DIAPH3: variants seen among roughly 807,000 people sequenced by gnomAD.
The protein encoded by DIAPH3 is diaphanous related formin 3.
Under a neutral mutation model 144.3 loss-of-function variants are expected in DIAPH3, and 117 were observed. The ratio of observed to expected loss-of-function variants is 0.81; its 90% CI spans 0.70 to 0.95. The LOEUF is 0.95. Ranked by LOEUF, DIAPH3 falls within the 40% of genes least tolerant of loss-of-function variation. The pLI is 0.00. For missense variants in DIAPH3, 1,421 were observed against 1,412.7 expected, an observed-to-expected ratio of 1.01 and a Z score of -0.09; for synonymous variants, 519 against 488.9, an observed-to-expected ratio of 1.06 and a Z score of -0.81.
chr13:59,846,941 T>A (rs989992223), intron 22 of DIAPH3, among the ~76,000 whole-genome samples: 2 of 151,542 alleles, frequency 1.3e-5, no homozygotes, highest in African/African-American at 4.9e-5. Context: ...TAGCCAGGGG[T>A]AGTGGTGCCT....
At chr13:59,810,625 T>C (rs1343201637) in intron 25 of DIAPH3, among the ~76,000 whole-genome samples, 163 bp downstream of exon 25, 2 of 152,136 alleles carry the variant, frequency 1.3e-5, no homozygotes, top group East Asian at 3.9e-4. Context: ...CGTTAGTAAA[T>C]GGAAGGGAAA....
chr13:59,693,193 A>G lies in DIAPH3; in HGVS notation c.3320-26347T>C, dbSNP rs181023812. 1.1e-3 allele frequency among the ~76,000 whole-genome samples: 160 copies of G among 152,282 alleles called. 1 individual carries two copies. Among genetic ancestry groups the G allele is most frequent in the Non-Finnish European group, 1.8e-3 (124 of 68,026 alleles). On this transcript the variant is annotated intron_variant, in intron 27 of 27. Transcript: ENST00000400324. Reference sequence around the variant, plus strand: ...TCCGGTGGAAGGCGCTTATGACTGGAAAGTAGTGACCAAAGAGAAGAGTGA... The same window carrying G: ...TCCGGTGGAAGGCGCTTATGACTGGGAAGTAGTGACCAAAGAGAAGAGTGA...
chr13:59,702,591 T>C (rs991016744), intron 27 of DIAPH3, among the ~76,000 whole-genome samples: 3 of 152,190 alleles, frequency 2.0e-5, no homozygotes, highest in Admixed American at 6.5e-5. Context: ...CAGTCTCTCT[T>C]AGGAAGTATT....
intron 27 of DIAPH3, among the ~76,000 whole-genome samples, chr13:59,727,570 T>C (rs1267244368): frequency 6.6e-6 from 1 of 152,180 alleles, no homozygotes; most frequent in African/African-American, 2.4e-5. Context: ...GTGCGGTATG[T>C]GTATACATAT....
intron 27 of DIAPH3, among the ~76,000 whole-genome samples, chr13:59,737,557 T>C (rs1270729536): frequency 6.6e-6 from 1 of 152,170 alleles, no homozygotes; most frequent in African/African-American, 2.4e-5. Flanking sequence ...GATAGTATCA[T>C]AGTGAGTAAG....
Position 59,971,017 on chromosome 13 carries a change from T to TGGAGGAGGTGGTGGG in DIAPH3, c.1779_1793dup (p.Pro594_Pro598dup). On this transcript the variant is annotated inframe_insertion, in exon 16 of 28. Coordinates refer to ENST00000400324, the MANE Select transcript of DIAPH3 (RefSeq NM_001042517.2). ...TGAATGGCATCCGCATTCCTGGAAG[T>TGGAGGAGGTGGTGGG]GGAGGAGGTGGTGGGGGAGGAGGTG... The TGGAGGAGGTGGTGGG allele has an allele frequency of 6.2e-7, 1 of 1,611,028 alleles. No homozygotes were observed. The highest frequency in any genetic ancestry group is 8.5e-7 in the Non-Finnish European group (1 of 1,178,716).
chr13:60,025,427 T>C (rs1313545666), intron 5 of DIAPH3, among the ~76,000 whole-genome samples: 1 of 83,134 alleles, frequency 1.2e-5, no homozygotes, highest in Non-Finnish European at 2.5e-5. Context: ...AAAAAGGAAA[T>C]AGTAGATTTA....
At chr13:60,083,406 A>G (rs2057631860) in intron 4 of DIAPH3, among the ~76,000 whole-genome samples, 1 of 152,046 alleles carries the variant, frequency 6.6e-6, no homozygotes, top group South Asian at 2.1e-4. Context: ...AAATGAAATT[A>G]TAGAATTCTA....
At chr13:59,763,412 T>G (rs1291166549) in intron 27 of DIAPH3, among the ~76,000 whole-genome samples, 1 of 152,092 alleles carries the variant, frequency 6.6e-6, no homozygotes, top group East Asian at 1.9e-4. Flanking sequence ...GCATGGTGGC[T>G]CATACCTGAA....
At chr13:60,156,369 T>C (rs9528062) in intron 1 of DIAPH3, among the ~76,000 whole-genome samples, 95,977 of 152,110 alleles carry the variant, frequency 0.63, 30,761 homozygotes, top group Admixed American at 0.72. Context: ...GTGGCAAGTG[T>C]GGAGTCATAC....
At chr13:60,156,266 G>A (rs1350430872) in intron 1 of DIAPH3, among the ~76,000 whole-genome samples, 1 of 152,082 alleles carries the variant, frequency 6.6e-6, no homozygotes, top group East Asian at 1.9e-4. Flanking sequence ...TGATAATCCA[G>A]AATAATCTCA....
At chr13:59,953,917 T>C (rs1218401487) in intron 17 of DIAPH3, among the ~76,000 whole-genome samples, 8 of 152,170 alleles carry the variant, frequency 5.3e-5, no homozygotes, top group Admixed American at 1.3e-4. Context: ...AAAGAGGTAT[T>C]TGAAGAAAGT....
At chr13:59,783,052 T>C (rs911274838) in intron 25 of DIAPH3, among the ~76,000 whole-genome samples, 7 of 152,130 alleles carry the variant, frequency 4.6e-5, no homozygotes, top group Admixed American at 3.3e-4. Context: ...GGAAGTAACA[T>C]GGTCAAATTT....
intron 17 of DIAPH3, among the ~76,000 whole-genome samples, chr13:59,955,902 T>C (rs1476294831): frequency 6.6e-6 from 1 of 152,154 alleles, no homozygotes; most frequent in African/African-American, 2.4e-5. Flanking sequence ...ACTGGCAGCA[T>C]TTTGCCCTTG....
Position 60,050,809 on chromosome 13 carries a change from G to GGCTAT in DIAPH3, c.496-7990_496-7989insATAGC, listed in dbSNP as rs1376044132. ...TTTTTCTATCTACTGTGTGGCAACA[G>GGCTAT]ACAGAAACAACGTGAAACAAGGAGG... On this transcript the variant is annotated intron_variant, in intron 4 of 27. Coordinates refer to ENST00000400324, the MANE Select transcript of DIAPH3 (RefSeq NM_001042517.2). Among the ~76,000 whole-genome samples the GGCTAT allele has an allele frequency of 5.3e-4, 4 of 7,586 alleles. No homozygotes were observed. The African/African-American group carries it at 6.6e-3, about 12-fold the overall frequency. The allele number at this position is 7,586 out of a possible 152,430, so 5.0% of individuals were successfully genotyped here. A position where few individuals can be genotyped will look rare whatever the true frequency, so the allele number is the denominator to read the frequency against.
intron 5 of DIAPH3, among the ~76,000 whole-genome samples, chr13:60,028,631 C>T (rs1390985559): frequency 6.6e-6 from 1 of 152,182 alleles, no homozygotes; most frequent in African/African-American, 2.4e-5. Context: ...CCTGCCCACA[C>T]TGGGATTGCA....
intron 17 of DIAPH3, among the ~76,000 whole-genome samples, chr13:59,926,485 C>T (rs534582204): frequency 6.6e-6 from 1 of 152,192 alleles, no homozygotes; most frequent in African/African-American, 2.4e-5. Flanking sequence ...GTGCTATATT[C>T]TAAAGGTTTT....
chr13:60,161,801 G>C (rs1952308302), intron 1 of DIAPH3, among the ~76,000 whole-genome samples: 2 of 151,984 alleles, frequency 1.3e-5, no homozygotes, highest in African/African-American at 4.8e-5. Flanking sequence ...AGAAACAAAG[G>C]ACTATCAAGA....
rs1370396702 is a variant in DIAPH3, at chr13:59,905,335, T to C, written c.2367+6400A>G. ...TCCAGCCTGGGCGACAGAGCGAGAC[T>C]CTGTCTCAAAAAAAAAAAAAAAAAA... On this transcript the variant is annotated intron_variant, in intron 20 of 27. Transcript: ENST00000400324. Among the ~76,000 whole-genome samples, 6 of 89,680 alleles carry C rather than the reference T, an allele frequency of 6.7e-5. No individual in the cohort carries two copies. In the East Asian group the frequency reaches 1.7e-3, roughly 25 times the overall value. The allele number at this position is 89,680 out of a possible 152,430, so 58.8% of individuals were successfully genotyped here. A position where few individuals can be genotyped will look rare whatever the true frequency, so the allele number is the denominator to read the frequency against.
Sources: allele counts gnomAD v4.1 joint callset (sites outside exome capture counted in the v4.1 genomes callset), GRCh38; gene constraint gnomAD v4.1.1; transcripts MANE v1.5; gene names NCBI Gene and HGNC (gene_info 2026-07-23, HGNC 2026-07-21).